Variants in VWA8 observed in about 807,000 individuals in gnomAD.
VWA8 encodes von Willebrand factor A domain-containing protein 8.
Under a neutral mutation model 241.5 loss-of-function variants are expected in VWA8, and 221 were observed. The observed-to-expected ratio is 0.91, with a 90% CI of 0.82 to 1.02. The LOEUF is 1.02. Among genes scored for constraint, VWA8 ranks in the 50% least tolerant of loss-of-function variants. The probability of loss-of-function intolerance (pLI) is 0.00; values close to 1 mark genes in which losing one functional copy is unlikely to be tolerated. For missense variants in VWA8, 2,322 were observed against 2,328.7 expected, an observed-to-expected ratio of 1.00 and a Z score of 0.06; for synonymous variants, 852 against 827.1, an observed-to-expected ratio of 1.03 and a Z score of -0.52.
chr13:41,663,338 T>C (rs775235805), intron 37 of VWA8, among the ~76,000 whole-genome samples: 1 of 152,170 alleles, frequency 6.6e-6, no homozygotes, highest in Non-Finnish European at 1.5e-5. Flanking sequence ...TCTGGTAAAT[T>C]CCTACTTGTT....
chr13:41,945,052 A>C (rs1298579373), intron 2 of VWA8, among the ~76,000 whole-genome samples: 1 of 152,176 alleles, frequency 6.6e-6, no homozygotes, highest in Non-Finnish European at 1.5e-5. Flanking sequence ...ACCTTCCGCT[A>C]ATCTTGAGGG....
chr13:41,778,141 TATAA>T lies in VWA8; in HGVS notation c.2278-89_2278-86del, dbSNP rs1014508817. 7.2e-6 allele frequency: 6 copies of T among 836,782 alleles called. No homozygotes were observed. In the African/African-American group the frequency reaches 9.0e-5, roughly 13 times the overall value. 51.8% of individuals were successfully genotyped at this position (836,782 alleles called of 1,614,324 possible). On this transcript the variant is annotated intron_variant, in intron 19 of 44. Coordinates refer to ENST00000379310, the MANE Select transcript of VWA8 (RefSeq NM_015058.2). ...TAACTATAAAGATATCTTTATAGAATATAAATATCTATTATAATAAACAATTATC... is the reference window on the plus strand; with the variant it reads ...TAACTATAAAGATATCTTTATAGAATATATCTATTATAATAAACAATTATC...
chr13:41,636,412 G>A (rs966726899), intron 37 of VWA8, among the ~76,000 whole-genome samples: 3 of 152,116 alleles, frequency 2.0e-5, no homozygotes, highest in Middle Eastern at 3.4e-3. Flanking sequence ...CTTACACCTT[G>A]TACAAAAATT....
intron 7 of VWA8, among the ~76,000 whole-genome samples, chr13:41,886,283 C>CT (rs977074064): frequency 2.0e-5 from 3 of 152,108 alleles, no homozygotes; most frequent in Non-Finnish European, 4.4e-5. Context: ...AGCCTCATCT[C>CT]TCACATTTCG....
chr13:41,680,322 C>T (rs1455566317), intron 35 of VWA8, among the ~76,000 whole-genome samples: 1 of 152,066 alleles, frequency 6.6e-6, no homozygotes, highest in Non-Finnish European at 1.5e-5. Flanking sequence ...GACATCTCTC[C>T]TGAAATGTCA....
Position 41,816,768 on chromosome 13 carries a change from T to G in VWA8, c.1877A>C (p.Asn626Thr). The G allele has an allele frequency of 6.2e-7, 1 of 1,612,690 alleles. No homozygotes were observed. Among genetic ancestry groups the G allele is most frequent in the Admixed American group, 1.7e-5 (1 of 59,910 alleles). The change falls in exon 16 of 45, where the codon AAT becomes ACT. Residue 626 changes from asparagine to threonine, a missense_variant. Physicochemically the swap from Asn to Thr is moderately conservative, Grantham distance 65. Coordinates refer to ENST00000379310, the MANE Select transcript of VWA8 (RefSeq NM_015058.2). ...CTTATCCAGAGCTTCCTGAGGTACA[T>G]TTGGGACCTATTTTTTGAAAGAGTT... ...EIQVIKEKVP[N>T]VPQEALDKLL...
chr13:41,664,336 C>T (rs182916431), intron 37 of VWA8, among the ~76,000 whole-genome samples: 89 of 150,776 alleles, frequency 5.9e-4, no homozygotes, highest in African/African-American at 2.1e-3. Flanking sequence ...TAGAAGTTAT[C>T]GGCTTTATTT....
chr13:41,815,317 C>A (rs1870642529), intron 16 of VWA8, among the ~76,000 whole-genome samples: 1 of 152,200 alleles, frequency 6.6e-6, no homozygotes, highest in Non-Finnish European at 1.5e-5. Flanking sequence ...CCACCCTTAT[C>A]CTCCCAAAAA....
chr13:41,770,440 C>CAAAAA (rs35797822), intron 20 of VWA8, among the ~76,000 whole-genome samples: 23 of 102,418 alleles, frequency 2.2e-4, no homozygotes, highest in African/African-American at 5.6e-4. Flanking sequence ...GACTCCGTTT[C>CAAAAA]AAAAAAAAAA....
intron 37 of VWA8, among the ~76,000 whole-genome samples, chr13:41,658,378 T>C (rs2044924163): frequency 6.6e-6 from 1 of 152,276 alleles, no homozygotes; most frequent in Non-Finnish European, 1.5e-5. Flanking sequence ...TCCATTTTCC[T>C]TGGCAGCTTG....
intron 4 of VWA8, among the ~76,000 whole-genome samples, chr13:41,893,926 G>A (rs1183596353): frequency 1.3e-5 from 2 of 152,100 alleles, no homozygotes; most frequent in Non-Finnish European, 2.9e-5. Context: ...TTTCAATTAA[G>A]CTTTTGCTCG....
chr13:41,604,983 C>G (rs1373254399), intron 40 of VWA8, among the ~76,000 whole-genome samples, 185 bp downstream of exon 40: 1 of 152,024 alleles, frequency 6.6e-6, no homozygotes, highest in African/African-American at 2.4e-5. Context: ...AGGGGACATA[C>G]AGAATACATA....
chr13:41,589,695 A>G (rs1041229489), intron 41 of VWA8, among the ~76,000 whole-genome samples: 3 of 152,176 alleles, frequency 2.0e-5, no homozygotes, highest in East Asian at 3.9e-4. Context: ...CTGAGTTTTC[A>G]TCAACTGAAC....
chr13:41,868,243 T>C, intron 10 of VWA8, 103 bp downstream of exon 10: 1 of 1,310,438 alleles, frequency 7.6e-7, no homozygotes, highest in Non-Finnish European at 1.1e-6. Context: ...GAAGCAGTAC[T>C]ATCAAGAGAG....
At chr13:41,726,370 G>C (rs1179479756) in intron 24 of VWA8, among the ~76,000 whole-genome samples, 1 of 152,132 alleles carries the variant, frequency 6.6e-6, no homozygotes, top group Admixed American at 6.5e-5. Context: ...ATCCCACTGA[G>C]AGACTGGGTC....
Position 41,721,533 on chromosome 13 carries a change from T to C in VWA8, c.2801A>G (p.His934Arg). 6.2e-7 allele frequency: 1 copy of C among 1,613,420 alleles called. No homozygotes were observed. The highest frequency in any genetic ancestry group is 8.5e-7 in the Non-Finnish European group (1 of 1,179,720). The stretch of plus-strand genomic sequence containing the variant: ...CTGTCTGAGCATCTCGAGCTCCGAG[T>C]GGGGTTTGGGGTTATCAACTGCATG... ...SCHAVDNPKP[H>R]SELEMLRQYG... Residue 934 changes from histidine (H) to arginine (R), a missense_variant, in exon 25 of 45, where the codon CAC becomes CGC. Coordinates refer to ENST00000379310, the MANE Select transcript of VWA8 (RefSeq NM_015058.2).
At chr13:41,672,111 G>C (rs140991708) in intron 36 of VWA8, among the ~76,000 whole-genome samples, 2 of 152,152 alleles carry the variant, frequency 1.3e-5, no homozygotes, top group Admixed American at 1.3e-4. Flanking sequence ...GTGAGTACTG[G>C]ACTCACTCCT....
chr13:41,681,086 T>C lies in VWA8; in HGVS notation c.4327+3961A>G, dbSNP rs927920484. On this transcript the variant is annotated intron_variant, in intron 35 of 44. Transcript: ENST00000379310. ...AGAATCCCTAACCCTTGATATCTGA[T>C]TGGGTTCCCCATTCTCCACCATCCC... 1.1e-4 allele frequency among the ~76,000 whole-genome samples: 17 copies of C among 152,218 alleles called. No individual in the cohort carries two copies. In the East Asian group the frequency reaches 1.7e-3, roughly 16 times the overall value.
intron 24 of VWA8, 122 bp downstream of exon 24, chr13:41,727,072 C>A: frequency 1.3e-6 from 1 of 762,018 alleles, no homozygotes; most frequent in Non-Finnish European, 2.0e-6. Context: ...AATAAATATT[C>A]TCACAAGGTG....
Sources: gnomAD v4.1 joint callset for allele counts (sites outside exome capture counted in the v4.1 genomes callset) on GRCh38, gnomAD v4.1.1 for gene constraint, MANE v1.5 for transcripts, NCBI Gene and HGNC (gene_info 2026-07-23, HGNC 2026-07-21) for gene names.